PPIP5K2: variants seen among roughly 807,000 people sequenced by gnomAD.
PPIP5K2 encodes the protein diphosphoinositol pentakisphosphate kinase 2, also known as inositol hexakisphosphate and diphosphoinositol-pentakisphosphate kinase 2.
Under a neutral mutation model 154.6 loss-of-function variants are expected in PPIP5K2, and 105 were observed. The ratio of observed to expected loss-of-function variants is 0.68; its 90% confidence interval spans 0.58 to 0.80. The LOEUF is 0.80. Ranked by LOEUF, PPIP5K2 falls within the 30% of genes least tolerant of loss-of-function variation. The probability of loss-of-function intolerance (pLI) is 0.00; values close to 1 mark genes in which losing one functional copy is unlikely to be tolerated. For missense variants in PPIP5K2, 992 were observed against 1,504.6 expected (o/e 0.66, Z 5.64); for synonymous variants, 480 against 490.3 (o/e 0.98, Z 0.28).
chr5:103,145,396 G>T (rs903076778), intron 5 of PPIP5K2, among the ~76,000 whole-genome samples: 2 of 152,026 alleles, frequency 1.3e-5, no homozygotes, highest in Admixed American at 1.3e-4. Context: ...CCACTGCTGG[G>T]TATATGTCCA....
chr5:103,188,795 A>G lies in PPIP5K2; in HGVS notation c.3352+1419A>G, dbSNP rs186549919. On this transcript the variant is annotated intron_variant, in intron 28 of 30. Transcript: ENST00000358359. ...TGTGTTTAACTGAAGGTTTTTAAAA[A>G]TGAAAAATATTTATGTTAAATTTAA... 3.1e-3 allele frequency: 501 copies of G among 160,386 alleles called. 1 individual carries two copies. The highest frequency in any genetic ancestry group is 0.028 in the Middle Eastern group (9 of 326). 9.9% of individuals were successfully genotyped at this position (160,386 alleles called of 1,614,324 possible). A position where few individuals can be genotyped will look rare whatever the true frequency, so the allele number is the denominator to read the frequency against.
At chr5:103,142,022 G>A (rs1478936053) in intron 5 of PPIP5K2, among the ~76,000 whole-genome samples, 2 of 152,230 alleles carry the variant, frequency 1.3e-5, no homozygotes, top group South Asian at 2.1e-4. Context: ...CCAGTCACGC[G>A]CCGTGTGCTC....
At chr5:103,198,508 C>T (rs1802474506) in intron 30 of PPIP5K2, among the ~76,000 whole-genome samples, 1 of 152,172 alleles carries the variant, frequency 6.6e-6, no homozygotes, top group African/African-American at 2.4e-5. Flanking sequence ...AGAGCGATTA[C>T]ACTCACAACT....
intron 24 of PPIP5K2, among the ~76,000 whole-genome samples, chr5:103,180,806 C>T (rs1373119871): frequency 3.4e-5 from 5 of 149,006 alleles, no homozygotes; most frequent in African/African-American, 7.4e-5. Flanking sequence ...GCTAAGATCA[C>T]GCCACTGCAC....
chr5:103,135,631 T>G (rs954899538), intron 3 of PPIP5K2, among the ~76,000 whole-genome samples: 1 of 152,158 alleles, frequency 6.6e-6, no homozygotes, highest in Non-Finnish European at 1.5e-5. Context: ...GGGATCTTGC[T>G]ATGTTGCCCA....
intron 17 of PPIP5K2, among the ~76,000 whole-genome samples, chr5:103,165,968 A>G (rs1797063150): frequency 6.6e-6 from 1 of 152,110 alleles, no homozygotes; most frequent in Non-Finnish European, 1.5e-5. Context: ...AGCTATAGAC[A>G]GTAGCAGAGC....
intron 9 of PPIP5K2, among the ~76,000 whole-genome samples, chr5:103,151,898 T>A (rs1191130391): frequency 1.3e-5 from 2 of 152,030 alleles, no homozygotes; most frequent in African/African-American, 4.8e-5. Flanking sequence ...CCTGTTTTCT[T>A]TATACCTTGA....
At chr5:103,162,067 T>G (rs1796354191) in intron 17 of PPIP5K2, among the ~76,000 whole-genome samples, 1 of 152,198 alleles carries the variant, frequency 6.6e-6, no homozygotes, top group Non-Finnish European at 1.5e-5. Context: ...TTGTCATTGC[T>G]CCACATATTC....
At chr5:103,174,071 T>A in intron 21 of PPIP5K2, 99 bp downstream of exon 21, 1 of 886,918 alleles carries the variant, frequency 1.1e-6, no homozygotes, top group Non-Finnish European at 1.7e-6. Flanking sequence ...AATTCATCCT[T>A]AAGTTTTACT....
intron 3 of PPIP5K2, among the ~76,000 whole-genome samples, chr5:103,134,314 A>T (rs1217266536): frequency 6.6e-6 from 1 of 152,162 alleles, no homozygotes; most frequent in Non-Finnish European, 1.5e-5. Flanking sequence ...CTGAGGGTAC[A>T]TCTGAAAATT....
chr5:103,173,378 G>C, intron 20 of PPIP5K2, 96 bp downstream of exon 20: 1 of 1,328,696 alleles, frequency 7.5e-7, no homozygotes, highest in Non-Finnish European at 1.0e-6. Flanking sequence ...AGTCAGAAGT[G>C]TGTCATTGGC....
At chr5:103,138,593 T>C in intron 5 of PPIP5K2, 124 bp downstream of exon 5, 1 of 519,760 alleles carries the variant, frequency 1.9e-6, no homozygotes, top group South Asian at 3.7e-5. Flanking sequence ...TTTTAAAAAA[T>C]AATCTAAACA....
In PPIP5K2 at chr5:103,152,711, T is replaced by G. The variant is rs781904474; in HGVS notation, c.1092T>G (p.Ala364=). 1.3e-6 allele frequency: 2 copies of G among 1,591,968 alleles called. No individual in the cohort carries two copies. The highest frequency in any genetic ancestry group is 4.5e-5 in the East Asian group (2 of 44,600). Residue 364 remains alanine, a synonymous_variant, in exon 10 of 31, where the codon GCT becomes GCG. Coordinates refer to ENST00000358359, the MANE Select transcript of PPIP5K2 (RefSeq NM_001276277.3). The part of the protein sequence containing the change: ...FHIPWSIPLE[A]EDIPIVPTTS... ...TTCCATGGTCAATACCCTTAGAAGC[T>G]GAAGATATCCCAATTGTACCAACTA...
Position 103,154,814 on chromosome 5 carries a change from TTTA to T in PPIP5K2, c.1294-16_1294-14del. 1 of 1,547,556 alleles carries T rather than the reference TTTA, an allele frequency of 6.5e-7. No homozygotes were observed. ...GTGAAATTACATAAAAATTCAATTTTTTATTAATTTATTTTATAGGAAGTGCTA... is the reference window on the plus strand; with the variant it reads ...GTGAAATTACATAAAAATTCAATTTTTTAATTTATTTTATAGGAAGTGCTA... On this transcript the variant is annotated splice_polypyrimidine_tract_variant and intron_variant, in intron 12 of 30. Transcript: ENST00000358359.
Position 103,142,497 on chromosome 5 carries a change from C to T in PPIP5K2, c.487+4028C>T, listed in dbSNP as rs1316068207. On this transcript the variant is annotated intron_variant, in intron 5 of 30. Coordinates refer to ENST00000358359, the MANE Select transcript of PPIP5K2 (RefSeq NM_001276277.3). The stretch of plus-strand genomic sequence containing the variant: ...GAAAGGGGCTCCCACAGTGCAGCGG[C>T]GGGACGAAGGGCTCCTCAAGCGCCG... Among the ~76,000 whole-genome samples the T allele has an allele frequency of 9.9e-5, 15 of 152,226 alleles. No homozygotes were observed. The East Asian group carries it at 1.3e-3, about 14-fold the overall frequency.
intron 29 of PPIP5K2, 193 bp downstream of exon 29, chr5:103,191,175 ATCTTT>A: frequency 2.4e-6 from 1 of 425,300 alleles, no homozygotes; most frequent in Non-Finnish European, 3.9e-6. Flanking sequence ...CTCTGCCAAA[ATCTTT>A]TCTTCTTACC....
intron 1 of PPIP5K2, among the ~76,000 whole-genome samples, chr5:103,127,908 AAGTTTTAC>A (rs1446085492): frequency 3.4e-4 from 52 of 152,066 alleles, no homozygotes; most frequent in Middle Eastern, 6.8e-3. Flanking sequence ...CACCAACATG[AAGTTTTAC>A]AGCCACTGGA....
chr5:103,122,395 A>G (rs1482379723), intron 1 of PPIP5K2, among the ~76,000 whole-genome samples: 7 of 152,196 alleles, frequency 4.6e-5, no homozygotes, highest in Admixed American at 2.6e-4. Flanking sequence ...TGGTTTTTGA[A>G]TGGCGGATAG....
At chr5:103,176,968 G>A (rs1798818939) in intron 21 of PPIP5K2, 1 of 1,279,392 alleles carries the variant, frequency 7.8e-7, no homozygotes, top group Admixed American at 2.2e-5. Flanking sequence ...TATCACTTCA[G>A]TGTAATAGGG....
Sources: allele counts gnomAD v4.1 joint callset (sites outside exome capture counted in the v4.1 genomes callset), GRCh38; gene constraint gnomAD v4.1.1; transcripts MANE v1.5; gene names NCBI Gene and HGNC (gene_info 2026-07-23, HGNC 2026-07-21).